The following PARD3 variants were observed in gnomAD, a reference collection of about 807,000 sequenced individuals.
PARD3 encodes par-3 family cell polarity regulator, also known as partitioning defective 3 homolog.
In PARD3, 75 loss-of-function variants were observed where a neutral mutation model predicts 155.4. The observed-to-expected ratio is 0.48, with a 90% CI of 0.40 to 0.58. The LOEUF (loss-of-function observed/expected upper bound fraction) is 0.58, where lower values mean the gene tolerates loss of function less well. Among genes scored for constraint, PARD3 ranks in the 20% least tolerant of loss-of-function variants. PARD3 has a pLI of 0.00. For synonymous variants in PARD3, 576 were observed against 610.5 expected (o/e 0.94, Z 0.83); for missense variants, 1,642 against 1,721.7 (o/e 0.95, Z 0.82).
At chr10:34,360,321 T>C in intron 12 of PARD3, 62 bp from the exon 13 acceptor site, 3 of 1,239,752 alleles carry the variant, frequency 2.4e-6, no homozygotes, top group Middle Eastern at 1.9e-4. Flanking sequence ...AAAGTTATTT[T>C]TAAAGACTGC....
intron 2 of PARD3, among the ~76,000 whole-genome samples, chr10:34,537,904 A>G (rs757469832): frequency 2.5e-4 from 38 of 152,224 alleles, no homozygotes; most frequent in Non-Finnish European, 3.5e-4. Context: ...TCTTCTTTGG[A>G]AAGAGAAGGT....
At chr10:34,347,006 T>A (rs911729895) in intron 15 of PARD3, among the ~76,000 whole-genome samples, 1 of 152,214 alleles carries the variant, frequency 6.6e-6, no homozygotes, top group Non-Finnish European at 1.5e-5. Context: ...GTCTTGCCAA[T>A]AGCATGCTTT....
rs1241444740 is a variant in PARD3 at position 34,450,395 on chromosome 10, T to C, written c.636A>G (p.Gln212=). 2 of 1,613,980 alleles carry C rather than the reference T, an allele frequency of 1.2e-6. No homozygotes were observed. Among genetic ancestry groups the C allele is most frequent in the Admixed American group, 3.3e-5 (2 of 60,014 alleles). The change falls in exon 5 of 25, where the codon CAA becomes CAG. Residue 212 remains glutamine (Q), a synonymous_variant. Coordinates refer to ENST00000374788, the MANE Select transcript of PARD3 (RefSeq NM_001184785.2). ...ACGAGCGAGCATTGTCTCTCTGAAA[T>C]TGGTTAGACCAGTTACTAGTATCCC... ...LPRDTSNWSN[Q]FQRDNARSSL...
intron 22 of PARD3, among the ~76,000 whole-genome samples, chr10:34,264,104 T>C (rs1255986861): frequency 6.6e-6 from 1 of 152,186 alleles, no homozygotes. Flanking sequence ...GTGCTAACTA[T>C]TCAGTAGAAA....
intron 4 of PARD3, among the ~76,000 whole-genome samples, chr10:34,452,098 A>T (rs1317433951): frequency 6.6e-6 from 1 of 152,142 alleles, no homozygotes; most frequent in Non-Finnish European, 1.5e-5. Flanking sequence ...AAGTACACTG[A>T]AATGCAAGTA....
intron 23 of PARD3, among the ~76,000 whole-genome samples, chr10:34,126,467 T>C (rs1303244750): frequency 2.6e-5 from 4 of 152,194 alleles, no homozygotes; most frequent in African/African-American, 7.2e-5. Context: ...TTTCAACTAA[T>C]ATGGGCTCAG....
At chr10:34,686,607 G>C (rs1219537704) in intron 2 of PARD3, among the ~76,000 whole-genome samples, 1 of 152,046 alleles carries the variant, frequency 6.6e-6, no homozygotes, top group Non-Finnish European at 1.5e-5. Context: ...CAGGCATGGT[G>C]GTGGGCACCT....
At chr10:34,505,621 C>T (rs2081010380) in intron 3 of PARD3, among the ~76,000 whole-genome samples, 1 of 152,188 alleles carries the variant, frequency 6.6e-6, no homozygotes, top group Non-Finnish European at 1.5e-5. Flanking sequence ...ACAGGCAAGC[C>T]TTTCCAGATG....
At chr10:34,190,098 G>A (rs1286210072) in intron 22 of PARD3, among the ~76,000 whole-genome samples, 2 of 152,236 alleles carry the variant, frequency 1.3e-5, no homozygotes, top group Non-Finnish European at 2.9e-5. Flanking sequence ...GGAGGTGCAA[G>A]AGAGATGAGC....
In PARD3 at chr10:34,382,690, A is replaced by G. The variant is rs745704353; in HGVS notation, c.1249T>C (p.Ser417Pro). 1 of 1,613,900 alleles carries G rather than the reference A, an allele frequency of 6.2e-7. No homozygotes were observed. Among genetic ancestry groups the G allele is most frequent in the South Asian group, 1.1e-5 (1 of 91,064 alleles). The change falls in exon 9 of 25, where the codon TCT (serine) becomes CCT (proline). Residue 417 changes from serine (S) to proline (P), a missense_variant. This residue lies in a region of PARD3 where 1,529 missense variants were observed against 1,587.3 expected (regional missense o/e 0.96). Coordinates refer to ENST00000374788, the MANE Select transcript of PARD3 (RefSeq NM_001184785.2). ...GCGCTATGAGGTAGTCTTGAGTGAGAGTCTATCTGCTCAGGCGGGTGGTTC... is the reference window on the plus strand; with the variant it reads ...GCGCTATGAGGTAGTCTTGAGTGAGGGTCTATCTGCTCAGGCGGGTGGTTC... ...RLNHPPEQID[S>P]HSRLPHSAHP...
intron 1 of PARD3, among the ~76,000 whole-genome samples, chr10:34,753,029 A>G (rs984431324): frequency 1.3e-5 from 2 of 152,244 alleles, no homozygotes; most frequent in Non-Finnish European, 2.9e-5. Flanking sequence ...CAGCCAAGGC[A>G]GCAGGCTAAA....
intron 10 of PARD3, among the ~76,000 whole-genome samples, chr10:34,377,232 T>A (rs1291934903): frequency 6.6e-6 from 1 of 152,174 alleles, no homozygotes; most frequent in Non-Finnish European, 1.5e-5. Context: ...ATAAAGCCAT[T>A]TAGAAACGTA....
intron 2 of PARD3, among the ~76,000 whole-genome samples, chr10:34,587,999 T>C (rs2088264733): frequency 6.6e-6 from 1 of 152,168 alleles, no homozygotes; most frequent in Non-Finnish European, 1.5e-5. Flanking sequence ...ATTTTCATTC[T>C]GCATTACTAA....
chr10:34,207,907 A>C (rs1951555383), intron 22 of PARD3, among the ~76,000 whole-genome samples: 1 of 152,240 alleles, frequency 6.6e-6, no homozygotes, highest in Admixed American at 6.5e-5. Context: ...CAGAAAATAG[A>C]CATTTTTCTG....
At chr10:34,381,431 G>A (rs1841811155) in intron 9 of PARD3, among the ~76,000 whole-genome samples, 1 of 152,138 alleles carries the variant, frequency 6.6e-6, no homozygotes, top group Non-Finnish European at 1.5e-5. Flanking sequence ...AACAGTAAAA[G>A]TGTATCTTGG....
intron 4 of PARD3, among the ~76,000 whole-genome samples, chr10:34,458,422 C>T (rs1265737281): frequency 6.6e-6 from 1 of 152,152 alleles, no homozygotes; most frequent in East Asian, 1.9e-4. Flanking sequence ...AGGCTGGTCT[C>T]AAGCTCCTGG....
At position 34,419,949 on chromosome 10, in the gene PARD3, GATTA is replaced by G. The variant is rs370207788; in HGVS notation, c.715-18036_715-18033del. 2.8e-4 allele frequency among the ~76,000 whole-genome samples: 42 copies of G among 152,250 alleles called. 1 individual carries two copies. Among genetic ancestry groups the G allele is most frequent in the Middle Eastern group, 3.4e-3 (1 of 294 alleles). On this transcript the variant is annotated intron_variant, in intron 5 of 24. Transcript: ENST00000374788. ...TATTTTTACCTCAACTGTATTGACT[GATTA>G]ATTGATTGATTGAGACAGAGTCTTG...
intron 22 of PARD3, among the ~76,000 whole-genome samples, chr10:34,174,102 A>T (rs929196156): frequency 3.9e-5 from 6 of 152,174 alleles, no homozygotes; most frequent in African/African-American, 1.4e-4. Context: ...TGTGTCAGGG[A>T]TGTCACCAAG....
chr10:34,803,300 T>C (rs911020194), intron 1 of PARD3, among the ~76,000 whole-genome samples: 1 of 150,364 alleles, frequency 6.7e-6, no homozygotes, highest in African/African-American at 2.4e-5. Flanking sequence ...CTCACAAAGG[T>C]ACTTCTCTTA....
Sources: allele counts gnomAD v4.1 joint callset (sites outside exome capture counted in the v4.1 genomes callset), GRCh38; gene constraint gnomAD v4.1.1; regional missense constraint gnomAD v4.1.1; transcripts MANE v1.5; gene names NCBI Gene and HGNC (gene_info 2026-07-23, HGNC 2026-07-21).